The following SDK1 variants were observed in gnomAD, a reference collection of about 807,000 sequenced individuals.
SDK1 encodes the protein protein sidekick-1.
A neutral mutation model predicts 245.5 loss-of-function variants in SDK1; 157 were observed. The observed-to-expected ratio is 0.64, with a 90% CI of 0.56 to 0.73. The LOEUF (loss-of-function observed/expected upper bound fraction) is 0.73. SDK1 is among the 30% of genes least tolerant of loss of function. The pLI is 0.00. For missense variants in SDK1, 3,583 were observed against 3,002.3 expected, an observed-to-expected ratio of 1.19 and a Z score of -4.52; for synonymous variants, 1,647 against 1,278.5, an observed-to-expected ratio of 1.29 and a Z score of -6.15.
intron 17 of SDK1, among the ~76,000 whole-genome samples, chr7:4,045,878 C>A (rs1047109019): frequency 2.0e-5 from 3 of 152,092 alleles, no homozygotes; most frequent in African/African-American, 7.2e-5. Context: ...AGTAACTATT[C>A]TTTTTGCGTA....
chr7:3,898,606 G>A (rs935416555), intron 5 of SDK1, among the ~76,000 whole-genome samples: 8 of 152,032 alleles, frequency 5.3e-5, no homozygotes, highest in African/African-American at 1.9e-4. Flanking sequence ...TGTCCTTAAG[G>A]AAATAACTGC....
At chr7:3,659,880 G>T (rs1386285240) in intron 4 of SDK1, among the ~76,000 whole-genome samples, 1 of 152,200 alleles carries the variant, frequency 6.6e-6, no homozygotes, top group African/African-American at 2.4e-5. Flanking sequence ...AGGGCCAAAA[G>T]AGGGATTTGG....
chr7:3,408,621 T>C (rs1779112892), intron 1 of SDK1, among the ~76,000 whole-genome samples: 1 of 152,214 alleles, frequency 6.6e-6, no homozygotes, highest in Non-Finnish European at 1.5e-5. Flanking sequence ...TTCTGTATGT[T>C]GAACTGATAT....
At chr7:3,342,258 G>A (rs1177529997) in intron 1 of SDK1, among the ~76,000 whole-genome samples, 1 of 152,080 alleles carries the variant, frequency 6.6e-6, no homozygotes, top group African/African-American at 2.4e-5. Flanking sequence ...AATAGATTAT[G>A]GACATAAATG....
In SDK1 at chr7:3,712,086, C is replaced by G. The variant is rs371634017; in HGVS notation, c.713+69981C>G. On this transcript the variant is annotated intron_variant, in intron 4 of 44. Transcript: ENST00000404826. ...TGCTCTACAGCAGAGGTCCGCAACC[C>G]TTGGGTAGGAACCAGGCCAGTCCAT... is the stretch of plus-strand genomic sequence containing the variant. Among the ~76,000 whole-genome samples, 270 of 152,238 alleles carry G rather than the reference C, an allele frequency of 1.8e-3. 1 individual carries two copies. The highest frequency in any genetic ancestry group is 6.1e-3 in the African/African-American group (255 of 41,544).
At chr7:4,256,111 G>A (rs1583186709) in intron 44 of SDK1, among the ~76,000 whole-genome samples, 1 of 151,934 alleles carries the variant, frequency 6.6e-6, no homozygotes, top group Non-Finnish European at 1.5e-5. Flanking sequence ...GTAGAGACGG[G>A]GTTTCGCCAT....
At chr7:3,446,951 A>G (rs1400099249) in intron 1 of SDK1, among the ~76,000 whole-genome samples, 1 of 151,752 alleles carries the variant, frequency 6.6e-6, no homozygotes, top group Non-Finnish European at 1.5e-5. Context: ...AAAAAGGTTG[A>G]AAAAAAATAC....
intron 1 of SDK1, among the ~76,000 whole-genome samples, chr7:3,589,322 C>A (rs1780787096): frequency 1.3e-5 from 2 of 152,150 alleles, no homozygotes; most frequent in Non-Finnish European, 2.9e-5. Flanking sequence ...CAGTACTGAT[C>A]TCCCAGTTGT....
At chr7:3,887,436 A>G (rs1781362976) in intron 5 of SDK1, among the ~76,000 whole-genome samples, 1 of 152,136 alleles carries the variant, frequency 6.6e-6, no homozygotes, top group African/African-American at 2.4e-5. Context: ...CATGTTTCCC[A>G]GTAGAGAAGT....
Position 3,827,806 on chromosome 7 carries a change from G to C in SDK1, c.847+6223G>C, listed in dbSNP as rs139178092. On this transcript the variant is annotated intron_variant, in intron 5 of 44. Coordinates refer to ENST00000404826, the MANE Select transcript of SDK1 (RefSeq NM_152744.4). ...CAACCATGGCCAGGCCACATATTGA[G>C]CCACAAGATGGAAGCTGTCTGGATA... Among the ~76,000 whole-genome samples the C allele has an allele frequency of 4.3e-3, 658 of 152,268 alleles. 3 individuals carry two copies. Among genetic ancestry groups the C allele is most frequent in the Admixed American group, 7.5e-3 (114 of 15,296 alleles).
At chr7:4,217,355 AACCAGGCCACCCGGAGC>A (rs1195733121) in intron 38 of SDK1, among the ~76,000 whole-genome samples, 159 of 23,380 alleles carry the variant, frequency 6.8e-3, no homozygotes, top group Non-Finnish European at 8.9e-3. Context: ...CCACCCGGAG[AACCAGGCCACCCGGAGC>A]ACCAGGCCAC....
chr7:3,745,410 C>T (rs1779588166), intron 4 of SDK1, among the ~76,000 whole-genome samples: 1 of 152,134 alleles, frequency 6.6e-6, no homozygotes, highest in Admixed American at 6.5e-5. Context: ...CCCACTTCTG[C>T]CAGTGGTGAA....
At chr7:3,933,675 A>C (rs1780059596) in intron 5 of SDK1, among the ~76,000 whole-genome samples, 1 of 152,216 alleles carries the variant, frequency 6.6e-6, no homozygotes, top group East Asian at 1.9e-4. Context: ...TATTTGTATA[A>C]ACCTTTGCAT....
intron 1 of SDK1, among the ~76,000 whole-genome samples, chr7:3,509,126 G>C (rs987182238): frequency 2.6e-5 from 4 of 151,852 alleles, no homozygotes; most frequent in African/African-American, 4.8e-5. Context: ...GTGATACTCA[G>C]ACACACAGAC....
chr7:4,127,750 A>G (rs1462854304), intron 26 of SDK1, among the ~76,000 whole-genome samples: 1 of 152,142 alleles, frequency 6.6e-6, no homozygotes, highest in African/African-American at 2.4e-5. Context: ...AGTGGAACTG[A>G]CCTCCGGGCC....
intron 1 of SDK1, among the ~76,000 whole-genome samples, chr7:3,482,601 A>C (rs1344338041): frequency 1.3e-5 from 2 of 152,188 alleles, no homozygotes; most frequent in Middle Eastern, 3.2e-3. Flanking sequence ...TGACCACCAG[A>C]GGGCCTCCCA....
In SDK1 at chr7:3,455,028, A is replaced by T. The variant is rs6959489; in HGVS notation, c.298+153144A>T. Among the ~76,000 whole-genome samples, 965 of 152,122 alleles carry T rather than the reference A, an allele frequency of 6.3e-3. 12 individuals are homozygous for T. The highest frequency in any genetic ancestry group is 0.022 in the African/African-American group (916 of 41,468). ...ATTTTTTTATTTTAGATATTCTGATAGGTATGCAGTGATATCTTGTGGCTT... is the reference window on the plus strand; with the variant it reads ...ATTTTTTTATTTTAGATATTCTGATTGGTATGCAGTGATATCTTGTGGCTT... On this transcript the variant is annotated intron_variant, in intron 1 of 44. Coordinates refer to ENST00000404826, the MANE Select transcript of SDK1 (RefSeq NM_152744.4).
At chr7:3,958,017 C>T (rs1396737549) in intron 7 of SDK1, 1 of 470,704 alleles carries the variant, frequency 2.1e-6, no homozygotes, top group Non-Finnish European at 4.4e-6. Context: ...GCTTAGTTTT[C>T]ATTTCTCTTT....
chr7:3,774,829 C>T (rs759440075), intron 4 of SDK1, among the ~76,000 whole-genome samples: 8 of 152,340 alleles, frequency 5.3e-5, no homozygotes, highest in African/African-American at 1.7e-4. Context: ...ATTATCCAGA[C>T]AACCATGATC....
Sources: gnomAD v4.1 joint callset for allele counts (sites outside exome capture counted in the v4.1 genomes callset) on GRCh38, gnomAD v4.1.1 for gene constraint, MANE v1.5 for transcripts, NCBI Gene and HGNC (gene_info 2026-07-23, HGNC 2026-07-21) for gene names.